The following TF variants were observed in gnomAD, a reference collection of about 807,000 sequenced individuals.
The protein encoded by TF is transferrin.
Under a neutral mutation model 82.4 loss-of-function variants are expected in TF, and 55 were observed. The observed-to-expected ratio is 0.67, with a 90% CI of 0.54 to 0.84. TF has a LOEUF of 0.84. Among genes scored for constraint, TF ranks in the 40% least tolerant of loss-of-function variants. TF has a pLI of 0.00. For missense variants in TF, 737 were observed against 868.4 expected, an observed-to-expected ratio of 0.85 and a Z score of 1.90; for synonymous variants, 332 against 332.6, an observed-to-expected ratio of 1.00 and a Z score of 0.02.
chr3:133,754,962 G>A (rs568596044), intron 4 of TF, among the ~76,000 whole-genome samples: 1 of 152,220 alleles, frequency 6.6e-6, no homozygotes, highest in Non-Finnish European at 1.5e-5. Flanking sequence ...TGGTTCTCTT[G>A]TCCACTTCTC....
chr3:133,794,426 C>T lies in TF; in HGVS notation c.*15806C>T, dbSNP rs1934916923. 1 of 152,168 alleles carries T rather than the reference C, an allele frequency of 6.6e-6. No individual in the cohort carries two copies. Among genetic ancestry groups the T allele is most frequent in the Admixed American group, 6.5e-5 (1 of 15,270 alleles). 9.4% of individuals were successfully genotyped at this position (152,168 alleles called of 1,614,324 possible). ...AATTGTTATTTTCAGTGCATGTTTTCTGGTTGTATAAAAGCTTTCCCATGC... is the reference window on the plus strand; with the variant it reads ...AATTGTTATTTTCAGTGCATGTTTTTTGGTTGTATAAAAGCTTTCCCATGC... On this transcript the variant is annotated 3_prime_UTR_variant, in exon 17 of 17. Transcript: ENST00000402696.
At chr3:133,741,931 A>G (rs191342143), upstream of TF, among the ~76,000 whole-genome samples, 102 of 152,332 alleles carry the variant, frequency 6.7e-4, no homozygotes, top group Non-Finnish European at 1.1e-3. Flanking sequence ...TCCTCAAAAC[A>G]TTAGTTAAGG....
chr3:133,681,753 C>G, the TF span, among the ~76,000 whole-genome samples: 1 of 152,220 alleles, frequency 6.6e-6, no homozygotes, highest in Non-Finnish European at 1.5e-5. Context: ...CTGCCTGCCT[C>G]TGTAGACTCC....
chr3:133,774,942 G>A, intron 14 of TF: 1 of 387,380 alleles, frequency 2.6e-6, no homozygotes, highest in African/African-American at 2.1e-5. Context: ...TCACACAGGT[G>A]TGTGCACATT....
At chr3:133,720,396 A>G in the TF span, among the ~76,000 whole-genome samples, 1 of 152,196 alleles carries the variant, frequency 6.6e-6, no homozygotes, top group Non-Finnish European at 1.5e-5. Context: ...GGTGTATCCC[A>G]TTTGTTGATT....
chr3:133,749,314 G>C (rs1352187142), intron 2 of TF, among the ~76,000 whole-genome samples: 3 of 152,252 alleles, frequency 2.0e-5, no homozygotes, highest in Admixed American at 2.0e-4. Flanking sequence ...TTTGTTCTTA[G>C]GTCTACAAAA....
rs1933734040 is a variant in TF at position 133,753,532 on chromosome 3, G to A, written c.217-63G>A. ...CCTGGTAGCCACTCTCTACTTGTGT[G>A]GGTTGAGGTGGGCCTTCCTTGGAAG... On this transcript the variant is annotated intron_variant, in intron 2 of 16. Coordinates refer to ENST00000402696, the MANE Select transcript of TF (RefSeq NM_001063.4). 3 of 1,423,126 alleles carry A rather than the reference G, an allele frequency of 2.1e-6. No individual in the cohort carries two copies. The East Asian group carries it at 6.8e-5, about 32-fold the overall frequency. The allele number at this position is 1,423,126 out of a possible 1,614,324, so 88.2% of individuals were successfully genotyped here.
the TF span, among the ~76,000 whole-genome samples, chr3:133,684,383 A>G: frequency 6.6e-6 from 1 of 152,204 alleles, no homozygotes; most frequent in South Asian, 2.1e-4. Context: ...AGAGACACAA[A>G]AAAACCCTTC....
chr3:133,677,870 T>G, the TF span, among the ~76,000 whole-genome samples: 2 of 151,976 alleles, frequency 1.3e-5, no homozygotes, highest in Non-Finnish European at 2.9e-5. Flanking sequence ...AAAATTTTTT[T>G]ATTATAATAC....
At chr3:133,733,795 G>C in the TF span, among the ~76,000 whole-genome samples, 408 of 152,158 alleles carry the variant, frequency 2.7e-3, 1 homozygote, top group African/African-American at 8.9e-3. Flanking sequence ...TGATTAAAAG[G>C]CTGGCTGCTC....
Position 133,784,471 on chromosome 3 carries a change from A to AAAAAATAATAAT in TF, c.*5853_*5854insAAATAATAATAA, listed in dbSNP as rs763086171. 2.3e-4 allele frequency: 24 copies of AAAAAATAATAAT among 105,596 alleles called. No individual in the cohort carries two copies. The highest frequency in any genetic ancestry group is 9.0e-4 in the African/African-American group (24 of 26,606). The allele number at this position is 105,596 out of a possible 1,614,324, so 6.5% of individuals were successfully genotyped here. ...TCTTGTAAATTCCCATTTGTTAAAA[A>AAAAAATAATAAT]AATAATAATAATAATAATAATAATA... is the stretch of plus-strand genomic sequence containing the variant. On this transcript the variant is annotated 3_prime_UTR_variant, in exon 17 of 17. Coordinates refer to ENST00000402696, the MANE Select transcript of TF (RefSeq NM_001063.4).
the TF span, among the ~76,000 whole-genome samples, chr3:133,705,134 G>A: frequency 3.3e-5 from 5 of 152,158 alleles, no homozygotes; most frequent in Non-Finnish European, 4.4e-5. Context: ...AATTAGCAGG[G>A]CATGGCAGCA....
the TF span, among the ~76,000 whole-genome samples, chr3:133,723,401 G>C: frequency 1.3e-5 from 2 of 150,178 alleles, no homozygotes; most frequent in African/African-American, 4.9e-5. Context: ...CATCTGATAT[G>C]TCTATAATGT....
At chr3:133,663,620 A>G in the TF span, among the ~76,000 whole-genome samples, 64 of 152,208 alleles carry the variant, frequency 4.2e-4, no homozygotes, top group African/African-American at 1.5e-3. Flanking sequence ...CTTTTCAGCA[A>G]CCCTATAATA....
chr3:133,744,572 C>T (rs1320958669), upstream of TF, among the ~76,000 whole-genome samples: 1 of 152,176 alleles, frequency 6.6e-6, no homozygotes, highest in Non-Finnish European at 1.5e-5. Context: ...GGCCCTCATG[C>T]TAACAGTCTT....
chr3:133,752,466 T>C (rs1933700777), intron 2 of TF, among the ~76,000 whole-genome samples: 11 of 152,202 alleles, frequency 7.2e-5, no homozygotes. Context: ...AAAATCATTT[T>C]GATTAAAGAC....
At chr3:133,683,271 A>G in the TF span, among the ~76,000 whole-genome samples, 80,363 of 151,996 alleles carry the variant, frequency 0.53, 22,143 homozygotes, top group African/African-American at 0.69. Flanking sequence ...AAAGACCATC[A>G]AAGCTAGGAA....
chr3:133,790,188 C>T lies in TF; in HGVS notation c.*11568C>T, dbSNP rs1934797394. The T allele has an allele frequency of 6.6e-6, 1 of 152,060 alleles. No homozygotes were observed. The highest frequency in any genetic ancestry group is 1.9e-4 in the East Asian group (1 of 5,198). The allele number at this position is 152,060 out of a possible 1,614,324, so 9.4% of individuals were successfully genotyped here. A position where few individuals can be genotyped will look rare whatever the true frequency, so the allele number is the denominator to read the frequency against. On this transcript the variant is annotated 3_prime_UTR_variant, in exon 17 of 17. Transcript: ENST00000402696. ...AAGTCTTAAAATCATTTTTGATGCT[C>T]ATTTAAGATCTGGGCCATTTCCAAT...
the TF span, among the ~76,000 whole-genome samples, chr3:133,715,095 A>G: frequency 1.3e-5 from 2 of 152,124 alleles, no homozygotes; most frequent in South Asian, 2.1e-4. Flanking sequence ...TACATTTCAC[A>G]ATCAACTGTG....
Sources: allele counts gnomAD v4.1 joint callset (sites outside exome capture counted in the v4.1 genomes callset), GRCh38; gene constraint gnomAD v4.1.1; transcripts MANE v1.5; gene names NCBI Gene and HGNC (gene_info 2026-07-23, HGNC 2026-07-21).